Variants in ESRRG observed in about 807,000 individuals in gnomAD.
The protein encoded by ESRRG is estrogen related receptor gamma.
A neutral mutation model predicts 44.0 loss-of-function variants in ESRRG; 13 were observed. The ratio of observed to expected loss-of-function variants is 0.30; its 90% CI spans 0.19 to 0.47. The LOEUF (loss-of-function observed/expected upper bound fraction) is 0.47, where lower values mean the gene tolerates loss of function less well. ESRRG is among the 20% of genes least tolerant of loss of function. The probability of loss-of-function intolerance (pLI) is 1.00; values close to 1 mark genes in which losing one functional copy is unlikely to be tolerated. For synonymous variants in ESRRG, 215 were observed against 214.6 expected (o/e 1.00, Z -0.02); for missense variants, 395 against 580.6 (o/e 0.68, Z 3.29).
chr1:216,597,668 A>G (rs1573819110), intron 3 of ESRRG, among the ~76,000 whole-genome samples: 1 of 152,190 alleles, frequency 6.6e-6, no homozygotes, highest in Non-Finnish European at 1.5e-5. Context: ...AGAAAGTTCT[A>G]TTTGACAGTG....
At chr1:216,918,895 ACT>A (rs1210434120) in intron 2 of ESRRG, among the ~76,000 whole-genome samples, 1 of 149,354 alleles carries the variant, frequency 6.7e-6, no homozygotes, top group Non-Finnish European at 1.5e-5. Context: ...AATCAGATAA[ACT>A]CTGAACTCAT....
intron 2 of ESRRG, among the ~76,000 whole-genome samples, chr1:216,655,352 T>G (rs969913978): frequency 6.6e-6 from 1 of 152,102 alleles, no homozygotes; most frequent in African/African-American, 2.4e-5. Flanking sequence ...TGGTTCAGGA[T>G]GCAGTACTGG....
intron 3 of ESRRG, among the ~76,000 whole-genome samples, chr1:216,611,758 T>TAAA (rs576949958): frequency 0.022 from 3,124 of 144,384 alleles, 114 homozygotes; most frequent in African/African-American, 0.075. Context: ...TAGAGGTATG[T>TAAA]AAAAAAAAAA....
intron 3 of ESRRG, among the ~76,000 whole-genome samples, chr1:216,611,164 A>G (rs776096562): frequency 7.2e-6 from 1 of 138,094 alleles, no homozygotes; most frequent in African/African-American, 2.7e-5. Context: ...GATCATGCCA[A>G]TGCACTCTAG....
chr1:217,004,417 G>A (rs1221765086), intron 1 of ESRRG, among the ~76,000 whole-genome samples: 1 of 152,262 alleles, frequency 6.6e-6, no homozygotes, highest in East Asian at 1.9e-4. Context: ...GAGTTCCCCT[G>A]CACAAGCTCT....
intron 2 of ESRRG, among the ~76,000 whole-genome samples, chr1:216,813,721 T>C (rs1240079097): frequency 6.6e-6 from 1 of 152,152 alleles, no homozygotes; most frequent in African/African-American, 2.4e-5. Context: ...TGGATATGCA[T>C]GAAAGTGATC....
intron 1 of ESRRG, among the ~76,000 whole-genome samples, chr1:217,087,527 C>A (rs1056620035): frequency 3.9e-5 from 6 of 152,276 alleles, no homozygotes; most frequent in African/African-American, 1.4e-4. Context: ...TTTGTTAAAG[C>A]AACACCCATC....
intron 5 of ESRRG, among the ~76,000 whole-genome samples, chr1:216,561,823 C>T (rs1395216422): frequency 6.6e-6 from 1 of 152,128 alleles, no homozygotes; most frequent in East Asian, 1.9e-4. Context: ...CTGTGAATCA[C>T]TACTCCACAG....
chr1:216,521,784 C>T (rs2046155031), intron 5 of ESRRG, among the ~76,000 whole-genome samples: 2 of 152,086 alleles, frequency 1.3e-5, no homozygotes, highest in Admixed American at 1.3e-4. Flanking sequence ...TTACGGTTGT[C>T]AGGGGGGTGC....
chr1:217,038,745 T>C (rs2083342212), intron 1 of ESRRG, among the ~76,000 whole-genome samples: 1 of 152,230 alleles, frequency 6.6e-6, no homozygotes. Context: ...ATTTTCCCCA[T>C]TGTCCTGGGG....
At chr1:216,720,234 G>T (rs2085921932) in intron 1 of ESRRG, among the ~76,000 whole-genome samples, 1 of 151,918 alleles carries the variant, frequency 6.6e-6, no homozygotes, top group South Asian at 2.1e-4. Context: ...TAATGTAATG[G>T]GCAAGGTTAC....
chr1:216,589,784 C>T (rs1274903721), intron 3 of ESRRG, among the ~76,000 whole-genome samples: 1 of 150,902 alleles, frequency 6.6e-6, no homozygotes, highest in Non-Finnish European at 1.5e-5. Flanking sequence ...TGCACCTGTA[C>T]TCCCAGATAC....
intron 3 of ESRRG, among the ~76,000 whole-genome samples, chr1:216,631,897 T>C (rs1053200275): frequency 2.0e-5 from 3 of 152,062 alleles, no homozygotes; most frequent in African/African-American, 7.2e-5. Context: ...GGACAAGGAT[T>C]GGGATGAGGA....
At position 216,952,151 on chromosome 1, in the gene ESRRG, T is replaced by C. The variant is rs535795849; in HGVS notation, c.-105-12478A>G. ...CCACTGGTCTTTGAGTGGCAAATTA[T>C]ATACCACAACCCGAAAACTTTCAAA... On this transcript the variant is annotated intron_variant, in intron 1 of 7. Coordinates refer to the ESRRG transcript ENST00000359162. Among the ~76,000 whole-genome samples the C allele has an allele frequency of 3.9e-5, 6 of 152,270 alleles. No individual in the cohort carries two copies. The East Asian group carries it at 1.2e-3, about 29-fold the overall frequency.
At chr1:217,097,513 G>A (rs114976420) in intron 1 of ESRRG, among the ~76,000 whole-genome samples, 5,868 of 152,234 alleles carry the variant, frequency 0.039, 177 homozygotes, top group South Asian at 0.14. Flanking sequence ...GACAGCAGGA[G>A]AAGCCACTGT....
intron 1 of ESRRG, among the ~76,000 whole-genome samples, chr1:217,117,954 T>A (rs2092754507): frequency 6.6e-6 from 1 of 152,250 alleles, no homozygotes; most frequent in East Asian, 1.9e-4. Context: ...AAAGTTGCAC[T>A]GACCTTGCTT....
At chr1:216,646,871 A>G (rs2067704789) in intron 3 of ESRRG, among the ~76,000 whole-genome samples, 1 of 152,178 alleles carries the variant, frequency 6.6e-6, no homozygotes, top group South Asian at 2.1e-4. Flanking sequence ...GCTAAAGAAT[A>G]TAATGTGCGT....
At chr1:217,035,465 A>T (rs1446837122) in intron 1 of ESRRG, among the ~76,000 whole-genome samples, 1 of 152,090 alleles carries the variant, frequency 6.6e-6, no homozygotes, top group Non-Finnish European at 1.5e-5. Flanking sequence ...CAATATTGCC[A>T]GTGTCAAAGG....
chr1:216,766,615 T>C (rs1055334797), intron 2 of ESRRG, among the ~76,000 whole-genome samples: 6 of 152,274 alleles, frequency 3.9e-5, no homozygotes, highest in African/African-American at 1.4e-4. Context: ...TTTGGAATTC[T>C]GTACCTGATT....
Sources: allele counts gnomAD v4.1 joint callset (sites outside exome capture counted in the v4.1 genomes callset), GRCh38; gene constraint gnomAD v4.1.1; transcripts MANE v1.5; gene names NCBI Gene and HGNC (gene_info 2026-07-23, HGNC 2026-07-21).